The following MAPT variants were observed in gnomAD, a reference collection of about 807,000 sequenced individuals.
The protein encoded by MAPT is microtubule associated protein tau.
A neutral mutation model predicts 67.9 loss-of-function variants in MAPT; 34 were observed. The ratio of observed to expected loss-of-function variants is 0.50; its 90% CI spans 0.38 to 0.67. The LOEUF (loss-of-function observed/expected upper bound fraction) is 0.67. Ranked by LOEUF, MAPT falls within the 30% of genes least tolerant of loss-of-function variation. MAPT has a pLI of 0.00. For missense variants in MAPT, 881 were observed against 1,115.2 expected (o/e 0.79, Z 2.99); for synonymous variants, 456 against 464.5 (o/e 0.98, Z 0.23).
intron 1 of MAPT, among the ~76,000 whole-genome samples, chr17:45,903,966 T>TTTATATATAA (rs1418320691): frequency 1.7e-3 from 20 of 11,724 alleles, no homozygotes; most frequent in Non-Finnish European, 2.3e-3. Flanking sequence ...ATATTATATA[T>TTTATATATAA]TATATATTAT....
At chr17:45,901,914 C>CTTT (rs55738902) in intron 1 of MAPT, among the ~76,000 whole-genome samples, 1 of 132,112 alleles carries the variant, frequency 7.6e-6, no homozygotes, top group Non-Finnish European at 1.6e-5. Flanking sequence ...AGGGATTTTA[C>CTTT]TTTTTTTTTT....
rs372479969 is a variant in MAPT at position 45,983,682 on chromosome 17, A to G, written c.1103A>G (p.Lys368Arg). The stretch of plus-strand genomic sequence containing the variant: ...GACGGGCCCAGTGTAGGGCGGGCCA[A>G]AGGGCAGGATGCCCCCCTGGAGTTC... The part of the protein sequence containing the change: ...EPDGPSVGRA[K>R]GQDAPLEFTF... The change falls in exon 5 of 13, where the codon AAA becomes AGA. Residue 368 changes from lysine to arginine, a missense_variant. Physicochemically the swap from Lys to Arg is conservative, Grantham distance 26. Transcript: ENST00000262410. 77 of 1,613,982 alleles carry G rather than the reference A, an allele frequency of 4.8e-5. No individual in the cohort carries two copies. The highest frequency in any genetic ancestry group is 5.8e-5 in the Non-Finnish European group (68 of 1,180,010).
chr17:45,968,209 CA>C (rs144343170), intron 2 of MAPT, among the ~76,000 whole-genome samples: 24 of 112,576 alleles, frequency 2.1e-4, no homozygotes, highest in South Asian at 2.4e-4. Flanking sequence ...CAAAAAACAA[CA>C]AAAAAAAACC....
intron 2 of MAPT, among the ~76,000 whole-genome samples, chr17:45,963,972 A>G (rs2070746711): frequency 6.6e-6 from 1 of 151,956 alleles, no homozygotes; most frequent in Non-Finnish European, 1.5e-5. Context: ...GTATTGGGGG[A>G]GCAGGGGCTG....
intron 1 of MAPT, among the ~76,000 whole-genome samples, chr17:45,903,515 T>C (rs1203155134): frequency 6.6e-6 from 1 of 151,346 alleles, no homozygotes; most frequent in African/African-American, 2.4e-5. Context: ...GTTAGGAGAT[T>C]GAGACCATCC....
chr17:45,911,767 A>AAAC (rs1241902901), intron 1 of MAPT, among the ~76,000 whole-genome samples: 3 of 148,066 alleles, frequency 2.0e-5, no homozygotes, highest in African/African-American at 7.3e-5. Context: ...TGCTCTCAAA[A>AAAC]AAACAAACAA....
chr17:45,913,841 C>A (rs1339351369), intron 1 of MAPT, among the ~76,000 whole-genome samples: 3 of 152,128 alleles, frequency 2.0e-5, no homozygotes, highest in Non-Finnish European at 1.5e-5. Context: ...CTGCCCTGGC[C>A]GGGGGGTTCT....
At chr17:45,969,006 G>A (rs2071374820) in intron 2 of MAPT, among the ~76,000 whole-genome samples, 1 of 152,190 alleles carries the variant, frequency 6.6e-6, no homozygotes, top group Non-Finnish European at 1.5e-5. Flanking sequence ...ACCAATAGGT[G>A]GTGGAGCCAG....
At chr17:46,009,648 T>A (rs2146007296) in intron 9 of MAPT, among the ~76,000 whole-genome samples, 1 of 152,284 alleles carries the variant, frequency 6.6e-6, no homozygotes, top group Middle Eastern at 3.4e-3. Context: ...ACACCCCACA[T>A]TTGTCTTCCC....
intron 1 of MAPT, among the ~76,000 whole-genome samples, chr17:45,947,988 G>T (rs915095589): frequency 6.8e-6 from 1 of 146,808 alleles, no homozygotes; most frequent in African/African-American, 2.4e-5. Flanking sequence ...TAATGACTAG[G>T]TTTTTTTGTT....
chr17:45,950,770 C>T (rs1251458928), intron 1 of MAPT, among the ~76,000 whole-genome samples: 2 of 152,068 alleles, frequency 1.3e-5, no homozygotes, highest in African/African-American at 4.8e-5. Flanking sequence ...TCAAGTGATT[C>T]TCATGCCTCA....
intron 7 of MAPT, chr17:45,990,667 C>A: frequency 3.1e-6 from 1 of 317,586 alleles, no homozygotes; most frequent in Non-Finnish European, 6.2e-6. Context: ...CTGATTTTGG[C>A]AAGAGAAATG....
intron 1 of MAPT, among the ~76,000 whole-genome samples, chr17:45,907,420 T>A (rs984764377): frequency 6.6e-5 from 10 of 152,192 alleles, no homozygotes; most frequent in African/African-American, 9.6e-5. Flanking sequence ...TGCCCCCGCT[T>A]CCTGTGTAGG....
At chr17:45,907,834 G>A (rs373384408) in intron 1 of MAPT, 13 of 152,290 alleles carry the variant, frequency 8.5e-5, no homozygotes, top group African/African-American at 3.1e-4. Context: ...CCTCAGTCCC[G>A]AGGTGGGGAT....
intron 10 of MAPT, among the ~76,000 whole-genome samples, chr17:46,011,497 G>A (rs539708411): frequency 2.0e-5 from 3 of 152,220 alleles, no homozygotes; most frequent in East Asian, 3.9e-4. Flanking sequence ...CGTGAGATTC[G>A]GGACTCAGAT....
chr17:45,972,186 G>A lies in MAPT; in HGVS notation c.220+241G>A, dbSNP rs576065695. 4.3e-5 allele frequency: 29 copies of A among 670,458 alleles called. No homozygotes were observed. In the East Asian group the frequency reaches 5.5e-4, roughly 13 times the overall value. The allele number at this position is 670,458 out of a possible 1,614,324, so 41.5% of individuals were successfully genotyped here. On this transcript the variant is annotated intron_variant, in intron 3 of 12. Coordinates refer to ENST00000262410, the MANE Select transcript of MAPT (RefSeq NM_001377265.1). ...GGCAGCCACCCTTGGACAGTCCCGC[G>A]CACAGCTCCACAAAGCCCCGCTCCA...
intron 1 of MAPT, among the ~76,000 whole-genome samples, chr17:45,944,470 G>GT (rs1185129519): frequency 5.9e-5 from 9 of 152,324 alleles, no homozygotes; most frequent in African/African-American, 2.2e-4. Context: ...GCCTCTCTGT[G>GT]TACCCGTGGG....
intron 1 of MAPT, among the ~76,000 whole-genome samples, chr17:45,920,734 C>T (rs528548163): frequency 1.6e-4 from 24 of 152,294 alleles, no homozygotes; most frequent in South Asian, 8.3e-4. Flanking sequence ...CCTCCTTAGC[C>T]GTCCCTAACC....
intron 1 of MAPT, among the ~76,000 whole-genome samples, chr17:45,959,010 CTGAGA>C (rs1417732240): frequency 6.6e-6 from 1 of 152,194 alleles, no homozygotes; most frequent in Non-Finnish European, 1.5e-5. Flanking sequence ...TTGCAGTAAG[CTGAGA>C]TCGTACCATT....
Sources: gnomAD v4.1 joint callset for allele counts (sites outside exome capture counted in the v4.1 genomes callset) on GRCh38, gnomAD v4.1.1 for gene constraint, MANE v1.5 for transcripts, NCBI Gene and HGNC (gene_info 2026-07-23, HGNC 2026-07-21) for gene names.